STAG3: variants seen among roughly 807,000 people sequenced by gnomAD.
The protein encoded by STAG3 is STAG3 cohesin complex component.
In STAG3, 101 loss-of-function variants were observed where a neutral mutation model predicts 160.7. The observed-to-expected ratio is 0.63, with a 90% CI of 0.54 to 0.74. The LOEUF is 0.74. STAG3 is among the 30% of genes least tolerant of loss of function. The probability of loss-of-function intolerance (pLI) is 0.00; values close to 1 mark genes in which losing one functional copy is unlikely to be tolerated. For synonymous variants in STAG3, 519 were observed against 585.0 expected, an observed-to-expected ratio of 0.89 and a Z score of 1.63; for missense variants, 1,188 against 1,517.4, an observed-to-expected ratio of 0.78 and a Z score of 3.61.
At chr7:100,197,008 T>C in intron 9 of STAG3, 148 bp from the exon 10 acceptor site, 1 of 604,254 alleles carries the variant, frequency 1.7e-6, no homozygotes. Context: ...ATATATAGTA[T>C]TTACATCGGG....
In STAG3 at chr7:100,211,482, A is replaced by C. The variant is rs780413788; in HGVS notation, c.3461A>C (p.Gln1154Pro). The C allele has an allele frequency of 3.7e-6, 6 of 1,613,422 alleles. No individual in the cohort carries two copies. Among genetic ancestry groups the C allele is most frequent in the Non-Finnish European group, 5.1e-6 (6 of 1,179,896 alleles). ...GTERSRFLGPQYFQTPHNPSG... is the reference protein window; with the variant it reads ...GTERSRFLGPPYFQTPHNPSG... ...GAGAGGTCAAGGTTCTTGGGTCCAC[A>C]ATATTTCCAGACTCCACACAACCCT... Residue 1154 changes from glutamine to proline, a missense_variant, in exon 31 of 34, where the codon CAA becomes CCA. Coordinates refer to ENST00000615138, the MANE Select transcript of STAG3 (RefSeq NM_001282717.2).
At chr7:100,189,721 T>C in intron 8 of STAG3, 125 bp downstream of exon 8, 1 of 1,109,738 alleles carries the variant, frequency 9.0e-7, no homozygotes, top group Non-Finnish European at 1.3e-6. Flanking sequence ...GGCAATAGTT[T>C]CATAGACCCA....
chr7:100,202,267 A>G lies in STAG3; in HGVS notation c.2490A>G (p.Glu830=). Residue 830 remains glutamate, a synonymous_variant, in exon 24 of 34, where the codon GAA becomes GAG. Transcript: ENST00000615138. ...DFLRPLVFFP[E]ATLQSELASF... ...TTAGGCCACTTGTCTTTTTTCCTGAAGCTACTCTCCAGTCTGAGCTAGCCA... is the reference window on the plus strand; with the variant it reads ...TTAGGCCACTTGTCTTTTTTCCTGAGGCTACTCTCCAGTCTGAGCTAGCCA... The G allele has an allele frequency of 6.2e-7, 1 of 1,614,000 alleles. No homozygotes were observed. The highest frequency in any genetic ancestry group is 8.5e-7 in the Non-Finnish European group (1 of 1,180,014).
intron 8 of STAG3, among the ~76,000 whole-genome samples, chr7:100,193,939 C>CTT (rs57044186): frequency 2.0e-3 from 239 of 122,004 alleles, no homozygotes; most frequent in East Asian, 7.6e-3. Context: ...TTAATCATTT[C>CTT]TTTTTTTTTT....
chr7:100,201,390 G>A (rs762389946), intron 21 of STAG3, 39 bp downstream of exon 21: 2 of 1,589,976 alleles, frequency 1.3e-6, no homozygotes, highest in Non-Finnish European at 1.7e-6. Context: ...GGGCTGGGGG[G>A]CTAGATTTTA....
intron 8 of STAG3, among the ~76,000 whole-genome samples, chr7:100,192,089 A>T (rs1220530331): frequency 6.6e-6 from 1 of 152,168 alleles, no homozygotes. Context: ...TGCTATTTCC[A>T]CTGCACGTGT....
At chr7:100,208,503 A>G (rs1247825992) in intron 29 of STAG3, among the ~76,000 whole-genome samples, 2 of 152,214 alleles carry the variant, frequency 1.3e-5, no homozygotes, top group Non-Finnish European at 2.9e-5. Context: ...AGAAGATGGA[A>G]TTGCTGGAGC....
chr7:100,203,981 C>T (rs1054743382), intron 25 of STAG3, 40 bp from the exon 26 acceptor site: 1 of 1,414,802 alleles, frequency 7.1e-7, no homozygotes, highest in African/African-American at 1.4e-5. Flanking sequence ...ATGGTCTTTT[C>T]CACCAGTCAG....
downstream of STAG3, chr7:100,218,770 C>T (rs1370590063): frequency 1.4e-5 from 4 of 277,084 alleles, no homozygotes; most frequent in Admixed American, 4.5e-5. Flanking sequence ...ACATAGACAT[C>T]GTGAGGTCTT....
chr7:100,209,556 CCT>C (rs1455575362), intron 29 of STAG3, among the ~76,000 whole-genome samples: 8 of 152,136 alleles, frequency 5.3e-5, no homozygotes, highest in Non-Finnish European at 7.3e-5. Flanking sequence ...ACAGGATCAA[CCT>C]CTGTTTTTAA....
rs1801478247 is a variant in STAG3 at position 100,204,780 on chromosome 7, G to C, written c.2951+5G>C. ...CCTCGTGGTCATGCTACACAAGTAG[G>C]AAGTATTGGTTGCAGGTTGTGTCCA... On this transcript the variant is annotated splice_donor_5th_base_variant and intron_variant, in intron 27 of 33. Transcript: ENST00000615138. 1 of 1,613,212 alleles carries C rather than the reference G, an allele frequency of 6.2e-7. No homozygotes were observed. The highest frequency in any genetic ancestry group is 1.3e-5 in the African/African-American group (1 of 74,786).
At chr7:100,200,610 CT>C in intron 18 of STAG3, 68 bp downstream of exon 18, 3 of 1,567,286 alleles carry the variant, frequency 1.9e-6, no homozygotes, top group Non-Finnish European at 2.6e-6. Context: ...TTGCCAGTAT[CT>C]TTTTTTCCTA....
intron 21 of STAG3, chr7:100,201,558 G>A: frequency 3.1e-6 from 2 of 636,948 alleles, no homozygotes; most frequent in South Asian, 2.0e-5. Context: ...GGAAGCCAAG[G>A]ATAATATTGA....
downstream of STAG3, among the ~76,000 whole-genome samples, chr7:100,215,778 G>A (rs894702278): frequency 2.0e-5 from 3 of 152,176 alleles, no homozygotes; most frequent in Non-Finnish European, 4.4e-5. Context: ...TTATTGAGAG[G>A]CTGGGTCTAG....
intron 8 of STAG3, among the ~76,000 whole-genome samples, chr7:100,191,946 T>C (rs188100206): frequency 1.3e-5 from 2 of 152,346 alleles, no homozygotes; most frequent in African/African-American, 4.8e-5. Flanking sequence ...ATTCACAACC[T>C]CTTCACCAGG....
intron 8 of STAG3, among the ~76,000 whole-genome samples, chr7:100,193,764 T>C (rs1264878407): frequency 6.6e-6 from 1 of 152,200 alleles, no homozygotes; most frequent in Non-Finnish European, 1.5e-5. Context: ...CTACTAAAAC[T>C]GTCTCTGTAT....
intron 2 of STAG3, 169 bp downstream of exon 2, chr7:100,180,841 G>T: frequency 1.8e-6 from 1 of 546,322 alleles, no homozygotes. Context: ...TTTTTTGGCG[G>T]TCCTAGATGT....
At chr7:100,194,992 A>G (rs1800588108) in intron 8 of STAG3, among the ~76,000 whole-genome samples, 1 of 152,224 alleles carries the variant, frequency 6.6e-6, no homozygotes, top group Non-Finnish European at 1.5e-5. Flanking sequence ...TTTAAAAAAA[A>G]TCCACAATGT....
At chr7:100,199,676 C>T (rs767614675) in intron 16 of STAG3, 32 bp downstream of exon 16, 9 of 1,490,918 alleles carry the variant, frequency 6.0e-6, no homozygotes, top group Non-Finnish European at 8.2e-6. Flanking sequence ...GGTAGGTCAG[C>T]AATACTCAGT....
Sources: gnomAD v4.1 joint callset for allele counts (sites outside exome capture counted in the v4.1 genomes callset) on GRCh38, gnomAD v4.1.1 for gene constraint, MANE v1.5 for transcripts, NCBI Gene and HGNC (gene_info 2026-07-23, HGNC 2026-07-21) for gene names.